KCNIP4: variants seen among roughly 807,000 people sequenced by gnomAD.
KCNIP4 encodes Kv channel-interacting protein 4.
KCNIP4 carries 12 observed loss-of-function variants against 34.0 expected under a neutral mutation model. The observed-to-expected ratio is 0.35, with a 90% CI of 0.23 to 0.57. KCNIP4 has a LOEUF of 0.57. Among genes scored for constraint, KCNIP4 ranks in the 20% least tolerant of loss-of-function variants. The pLI is 0.83. For synonymous variants in KCNIP4, 124 were observed against 102.2 expected (o/e 1.21, Z -1.29); for missense variants, 238 against 311.7 (o/e 0.76, Z 1.78).
At chr4:21,316,968 A>G (rs1445433045) in intron 1 of KCNIP4, among the ~76,000 whole-genome samples, 1 of 152,132 alleles carries the variant, frequency 6.6e-6, no homozygotes. Flanking sequence ...GTTTTATAAT[A>G]TATATTCCAT....
chr4:21,630,808 A>G (rs1332994327), intron 1 of KCNIP4, among the ~76,000 whole-genome samples: 2 of 152,202 alleles, frequency 1.3e-5, no homozygotes, highest in African/African-American at 4.8e-5. Context: ...GAAAGAGCCC[A>G]AACTCCTTTG....
intron 1 of KCNIP4, among the ~76,000 whole-genome samples, chr4:21,396,067 T>C (rs189713514): frequency 1.2e-3 from 186 of 151,186 alleles, no homozygotes; most frequent in African/African-American, 4.3e-3. Flanking sequence ...CTATATATAG[T>C]CTATATATAC....
intron 1 of KCNIP4, among the ~76,000 whole-genome samples, chr4:21,149,596 G>A (rs941096443): frequency 6.6e-6 from 1 of 152,076 alleles, no homozygotes; most frequent in Non-Finnish European, 1.5e-5. Context: ...GACATAAGGC[G>A]AGACCAGAAA....
intron 1 of KCNIP4, among the ~76,000 whole-genome samples, chr4:21,899,649 CA>C (rs1233753009): frequency 6.6e-6 from 1 of 151,634 alleles, no homozygotes; most frequent in Non-Finnish European, 1.5e-5. Flanking sequence ...CAACAATGAA[CA>C]ATCTGAAAAA....
Position 21,773,628 on chromosome 4 carries a change from G to C in KCNIP4, c.61+174943C>G, listed in dbSNP as rs1455254248. On this transcript the variant is annotated intron_variant, in intron 1 of 8. Transcript: ENST00000382152. Reference sequence around the variant, plus strand: ...ATTGGGTGTATATATATTTAGAATAGTTAGGTCTTCTTGTTAAATTGTTCC... The same window carrying C: ...ATTGGGTGTATATATATTTAGAATACTTAGGTCTTCTTGTTAAATTGTTCC... 2.0e-5 allele frequency among the ~76,000 whole-genome samples: 3 copies of C among 152,208 alleles called. No homozygotes were observed. The East Asian group carries it at 5.8e-4, about 29-fold the overall frequency.
intron 1 of KCNIP4, among the ~76,000 whole-genome samples, chr4:21,331,959 G>A (rs1715681567): frequency 6.6e-6 from 1 of 151,994 alleles, no homozygotes; most frequent in South Asian, 2.1e-4. Flanking sequence ...GCACATAGTA[G>A]GTCCTTAGTC....
chr4:21,229,505 G>A (rs559171471), intron 1 of KCNIP4, among the ~76,000 whole-genome samples: 2 of 152,278 alleles, frequency 1.3e-5, no homozygotes, highest in East Asian at 3.9e-4. Flanking sequence ...AAACACAGAC[G>A]TTTTTGAACC....
intron 1 of KCNIP4, among the ~76,000 whole-genome samples, chr4:21,059,765 ATTAAT>A (rs1384392682): frequency 2.6e-5 from 4 of 152,144 alleles, no homozygotes; most frequent in Admixed American, 6.6e-5. Flanking sequence ...ATAATTACTA[ATTAAT>A]TTATATGCAT....
intron 1 of KCNIP4, among the ~76,000 whole-genome samples, chr4:21,834,802 AG>A (rs1438799376): frequency 6.6e-6 from 1 of 152,086 alleles, no homozygotes; most frequent in African/African-American, 2.4e-5. Flanking sequence ...TTTAGCATGA[AG>A]GGTTGTTGAA....
chr4:21,541,939 C>T (rs910606308), intron 1 of KCNIP4, among the ~76,000 whole-genome samples: 10 of 152,068 alleles, frequency 6.6e-5, no homozygotes, highest in Non-Finnish European at 1.2e-4. Flanking sequence ...CACCAAGCCC[C>T]GCCTAATTTT....
At chr4:20,776,711 A>C (rs1001124103) in intron 3 of KCNIP4, among the ~76,000 whole-genome samples, 12 of 152,168 alleles carry the variant, frequency 7.9e-5, no homozygotes, top group Non-Finnish European at 1.3e-4. Flanking sequence ...ATTTTATGCC[A>C]CTGTGCCAGG....
chr4:21,284,745 TGTGTGTGTGTGTGTGC>T (rs1762999881), intron 1 of KCNIP4, among the ~76,000 whole-genome samples: 1 of 148,718 alleles, frequency 6.7e-6, no homozygotes, highest in Non-Finnish European at 1.5e-5. Flanking sequence ...TGTGTGTGTG[TGTGTGTGTGTGTGTGC>T]GTGTGTGTGT....
At chr4:21,166,652 TGGATGGCCTGGTGCGG>T (rs1380173469) in intron 1 of KCNIP4, among the ~76,000 whole-genome samples, 1 of 151,732 alleles carries the variant, frequency 6.6e-6, no homozygotes, top group African/African-American at 2.4e-5. Context: ...AAGAAGTGAG[TGGATGGCCTGGTGCGG>T]TGGCTCACGC....
At position 21,792,000 on chromosome 4, in the gene KCNIP4, CAAAAAAAAAAAAAAAAAA is replaced by C. The variant is rs71193407; in HGVS notation, c.61+156553_61+156570del. Among the ~76,000 whole-genome samples, 7 of 59,748 alleles carry C rather than the reference CAAAAAAAAAAAAAAAAAA, an allele frequency of 1.2e-4. No individual in the cohort carries two copies. In the Admixed American group the frequency reaches 1.2e-3, roughly 10 times the overall value. 39.2% of individuals were successfully genotyped at this position (59,748 alleles called of 152,430 possible). On this transcript the variant is annotated intron_variant, in intron 1 of 8. Transcript: ENST00000382152. ...CTGGTGACAGAATGAGACTCCGTCT[CAAAAAAAAAAAAAAAAAA>C]AAAAAAAAAAACCTACCTCATAGGC...
intron 1 of KCNIP4, among the ~76,000 whole-genome samples, chr4:20,928,929 C>T (rs1042869196): frequency 3.3e-5 from 5 of 151,814 alleles, no homozygotes; most frequent in African/African-American, 9.7e-5. Context: ...AAGCCCAGGA[C>T]GAGATGGCTT....
At chr4:21,771,819 G>C (rs1019014563) in intron 1 of KCNIP4, among the ~76,000 whole-genome samples, 13 of 152,190 alleles carry the variant, frequency 8.5e-5, no homozygotes, top group African/African-American at 2.9e-4. Context: ...AGCTCAAGAA[G>C]TTTTTGGGCT....
chr4:20,865,736 A>G (rs1252539188), intron 2 of KCNIP4, among the ~76,000 whole-genome samples: 2 of 152,064 alleles, frequency 1.3e-5, no homozygotes, highest in Admixed American at 6.6e-5. Context: ...CAAGGTATAG[A>G]AAGTAACATA....
intron 1 of KCNIP4, among the ~76,000 whole-genome samples, chr4:21,769,651 G>C (rs1718646488): frequency 6.6e-6 from 1 of 152,028 alleles, no homozygotes; most frequent in African/African-American, 2.4e-5. Flanking sequence ...GAGACTGAAG[G>C]TTGATCTATG....
At chr4:21,636,847 G>A (rs1437755094) in intron 1 of KCNIP4, among the ~76,000 whole-genome samples, 1 of 152,138 alleles carries the variant, frequency 6.6e-6, no homozygotes, top group Non-Finnish European at 1.5e-5. Flanking sequence ...TAGCAACTGG[G>A]CAATTCGACA....
Sources: gnomAD v4.1 joint callset for allele counts (sites outside exome capture counted in the v4.1 genomes callset) on GRCh38, gnomAD v4.1.1 for gene constraint, MANE v1.5 for transcripts, NCBI Gene and HGNC (gene_info 2026-07-23, HGNC 2026-07-21) for gene names.